The following SERINC5 variants were observed in gnomAD, a reference collection of about 807,000 sequenced individuals.
The protein encoded by SERINC5 is serine incorporator 5.
In SERINC5, 41 loss-of-function variants were observed where a neutral mutation model predicts 63.1. The observed-to-expected ratio is 0.65, with a 90% CI of 0.51 to 0.84. The LOEUF (loss-of-function observed/expected upper bound fraction) is 0.84. SERINC5 is among the 40% of genes least tolerant of loss of function. The probability of loss-of-function intolerance (pLI) is 0.00; values close to 1 mark genes in which losing one functional copy is unlikely to be tolerated. For missense variants in SERINC5, 523 were observed against 573.0 expected (o/e 0.91, Z 0.89); for synonymous variants, 222 against 215.2 (o/e 1.03, Z -0.28).
intron 2 of SERINC5, among the ~76,000 whole-genome samples, chr5:80,191,014 G>C (rs936255156): frequency 6.6e-6 from 1 of 151,822 alleles, no homozygotes; most frequent in Non-Finnish European, 1.5e-5. Flanking sequence ...TTTGACTCCT[G>C]CACTAGGCCC....
intron 1 of SERINC5, among the ~76,000 whole-genome samples, chr5:80,232,082 A>G (rs1262186243): frequency 6.9e-6 from 1 of 145,664 alleles, no homozygotes; most frequent in East Asian, 2.0e-4. Context: ...ACCCTGAGAA[A>G]CAGACCAAGA....
At position 80,191,618 on chromosome 5, in the gene SERINC5, G is replaced by A. The variant is rs1361103133; in HGVS notation, c.195+11268C>T. Among the ~76,000 whole-genome samples the A allele has an allele frequency of 2.7e-5, 4 of 146,226 alleles. No homozygotes were observed. The South Asian group carries it at 6.5e-4, about 24-fold the overall frequency. On this transcript the variant is annotated intron_variant, in intron 2 of 11. Coordinates refer to ENST00000507668, the MANE Select transcript of SERINC5 (RefSeq NM_001174072.3). ...GTTAAGCCTGCAGTGAGCCATGATCGTGCCACCACATTCCAGCCTGGGCAA... is the reference window on the plus strand; with the variant it reads ...GTTAAGCCTGCAGTGAGCCATGATCATGCCACCACATTCCAGCCTGGGCAA...
intron 1 of SERINC5, among the ~76,000 whole-genome samples, chr5:80,245,200 G>A (rs1394340405): frequency 6.6e-6 from 1 of 152,168 alleles, no homozygotes; most frequent in Admixed American, 6.5e-5. Flanking sequence ...TTTTTCCTGA[G>A]GTGAGATTTC....
intron 5 of SERINC5, among the ~76,000 whole-genome samples, chr5:80,172,414 G>A (rs376551186): frequency 1.2e-3 from 186 of 152,304 alleles, no homozygotes; most frequent in African/African-American, 3.4e-3. Flanking sequence ...ATGAATCATT[G>A]TCATCTGCCT....
At chr5:80,116,754 G>A (rs1189800110) in intron 11 of SERINC5, among the ~76,000 whole-genome samples, 1 of 151,874 alleles carries the variant, frequency 6.6e-6, no homozygotes, top group Non-Finnish European at 1.5e-5. Context: ...TACACTAGAC[G>A]ACTCAGGTTC....
Position 80,248,710 on chromosome 5 carries a change from T to C in SERINC5, c.27+7186A>G, listed in dbSNP as rs115228272. Among the ~76,000 whole-genome samples, 603 of 152,188 alleles carry C rather than the reference T, an allele frequency of 4.0e-3. 4 individuals carry two copies. The highest frequency in any genetic ancestry group is 0.014 in the African/African-American group (582 of 41,528). Reference sequence around the variant, plus strand: ...AGGAAAATAAAAGTGCCAGTGCTAGTGATAAGAAACACAGGCCTCAATGTT... The same window carrying C: ...AGGAAAATAAAAGTGCCAGTGCTAGCGATAAGAAACACAGGCCTCAATGTT... On this transcript the variant is annotated intron_variant, in intron 1 of 11. Coordinates refer to ENST00000507668, the MANE Select transcript of SERINC5 (RefSeq NM_001174072.3).
At chr5:80,129,507 T>C (rs566918910) in intron 11 of SERINC5, among the ~76,000 whole-genome samples, 2 of 152,248 alleles carry the variant, frequency 1.3e-5, no homozygotes, top group South Asian at 2.1e-4. Flanking sequence ...CAGGGTCTCA[T>C]TATGTTGCTC....
intron 1 of SERINC5, among the ~76,000 whole-genome samples, chr5:80,233,805 C>CTTTTTTTTTTTTT (rs373920343): frequency 4.3e-5 from 3 of 69,948 alleles, no homozygotes; most frequent in African/African-American, 6.4e-5. Flanking sequence ...TCAACTTTTA[C>CTTTTTTTTTTTTT]TTTTTTTTTT....
chr5:80,140,188 G>C lies in SERINC5; in HGVS notation c.*3475C>G, dbSNP rs1454740998. On this transcript the variant is annotated 3_prime_UTR_variant, in exon 12 of 12. Coordinates refer to ENST00000507668, the MANE Select transcript of SERINC5 (RefSeq NM_001174072.3). The stretch of plus-strand genomic sequence containing the variant: ...ATAAAAATCGGCCAGGTGTGATGGG[G>C]CAAACCTGTGGTCTCAGCTACTTGG... 2 of 730,388 alleles carry C rather than the reference G, an allele frequency of 2.7e-6. No homozygotes were observed. The highest frequency in any genetic ancestry group is 3.9e-5 in the African/African-American group (2 of 51,618). 45.2% of individuals were successfully genotyped at this position (730,388 alleles called of 1,614,324 possible). A position where few individuals can be genotyped will look rare whatever the true frequency, so the allele number is the denominator to read the frequency against.
At chr5:80,191,515 T>C (rs1216574155) in intron 2 of SERINC5, among the ~76,000 whole-genome samples, 1 of 138,342 alleles carries the variant, frequency 7.2e-6, no homozygotes, top group Non-Finnish European at 1.6e-5. Context: ...AAAAGAAAAA[T>C]TAGCCAGGCA....
At chr5:80,222,569 A>AGTGT (rs1014120974) in intron 1 of SERINC5, among the ~76,000 whole-genome samples, 3 of 132,074 alleles carry the variant, frequency 2.3e-5, no homozygotes, top group African/African-American at 5.3e-5. Flanking sequence ...TGAGTGTGTG[A>AGTGT]GTGTGTGTGT....
chr5:80,157,366 A>G (rs1746606844), intron 8 of SERINC5: 1 of 151,548 alleles, frequency 6.6e-6, no homozygotes, highest in Non-Finnish European at 1.5e-5. Flanking sequence ...AAATATCTTC[A>G]TGGTTGGTTT....
chr5:80,141,800 A>G lies in SERINC5; in HGVS notation c.*1863T>C. On this transcript the variant is annotated 3_prime_UTR_variant, in exon 12 of 12. Coordinates refer to ENST00000507668, the MANE Select transcript of SERINC5 (RefSeq NM_001174072.3). ...CTGAGTACAGAGCTCCTGCCCTAAA[A>G]AAGGAAATTTAATGGAATTTACAAA... 3 of 985,412 alleles carry G rather than the reference A, an allele frequency of 3.0e-6. No homozygotes were observed. Among genetic ancestry groups the G allele is most frequent in the African/African-American group, 1.7e-5 (1 of 57,352 alleles). 61.0% of individuals were successfully genotyped at this position (985,412 alleles called of 1,614,324 possible). A position where few individuals can be genotyped will look rare whatever the true frequency, so the allele number is the denominator to read the frequency against.
rs373373403 is a variant in SERINC5, at chr5:80,249,101, T to A, written c.27+6795A>T. Among the ~76,000 whole-genome samples the A allele has an allele frequency of 2.2e-4, 33 of 149,682 alleles. 1 individual carries two copies. In the East Asian group the frequency reaches 6.1e-3, roughly 28 times the overall value. On this transcript the variant is annotated intron_variant, in intron 1 of 11. Coordinates refer to ENST00000507668, the MANE Select transcript of SERINC5 (RefSeq NM_001174072.3). Reference sequence around the variant, plus strand: ...AGGCCAAGGCGGGTGGATCACGAGGTCAGGAGATCGAGACCATCCTGACTA... The same window carrying A: ...AGGCCAAGGCGGGTGGATCACGAGGACAGGAGATCGAGACCATCCTGACTA...
intron 1 of SERINC5, among the ~76,000 whole-genome samples, chr5:80,239,053 T>C (rs919825003): frequency 2.0e-5 from 3 of 152,196 alleles, no homozygotes; most frequent in Non-Finnish European, 4.4e-5. Context: ...CCTTGGAAGA[T>C]ACCCTGTGCT....
chr5:80,229,052 G>GGGGGGGGGGC lies in SERINC5; in HGVS notation c.28-26000_28-25999insGCCCCCCCCC, dbSNP rs1307981763. Reference sequence around the variant, plus strand: ...TTTTTTTTTTTTTTTTTTTTTTTTGGGGATGGAGTTGCCTAGGCTGGAGTG... The same window carrying GGGGGGGGGGC: ...TTTTTTTTTTTTTTTTTTTTTTTTGGGGGGGGGGGCGGATGGAGTTGCCTAGGCTGGAGTG... On this transcript the variant is annotated intron_variant, in intron 1 of 11. Transcript: ENST00000507668. Among the ~76,000 whole-genome samples the GGGGGGGGGGC allele has an allele frequency of 1.9e-4, 12 of 64,770 alleles. 2 individuals are homozygous for GGGGGGGGGGC. The South Asian group carries it at 2.9e-3, about 16-fold the overall frequency. 42.5% of individuals were successfully genotyped at this position (64,770 alleles called of 152,430 possible).
rs548188286 is a variant in SERINC5 at position 80,173,306 on chromosome 5, A to T, written c.551+1648T>A. On this transcript the variant is annotated intron_variant, in intron 5 of 11. Coordinates refer to ENST00000507668, the MANE Select transcript of SERINC5 (RefSeq NM_001174072.3). ...GAAAATGAAATGAAATGAAATGAAA[A>T]GAAAAGAAGCCGGGTGCAGTGGCTC... is the stretch of plus-strand genomic sequence containing the variant. Among the ~76,000 whole-genome samples the T allele has an allele frequency of 2.6e-4, 40 of 151,916 alleles. 2 individuals are homozygous for T. Among genetic ancestry groups the T allele is most frequent in the Admixed American group, 1.4e-3 (22 of 15,288 alleles).
At chr5:80,147,599 C>CT (rs145030424) in intron 9 of SERINC5, among the ~76,000 whole-genome samples, 2,919 of 152,278 alleles carry the variant, frequency 0.019, 97 homozygotes, top group African/African-American at 0.066. Flanking sequence ...AAGGCCGTGC[C>CT]TTTATGGCTC....
At chr5:80,211,824 C>G (rs1161668688) in intron 1 of SERINC5, among the ~76,000 whole-genome samples, 2 of 152,204 alleles carry the variant, frequency 1.3e-5, no homozygotes, top group African/African-American at 2.4e-5. Flanking sequence ...GCCCAGGCAG[C>G]ACATATGTTC....
Sources: allele counts gnomAD v4.1 joint callset (sites outside exome capture counted in the v4.1 genomes callset), GRCh38; gene constraint gnomAD v4.1.1; transcripts MANE v1.5; gene names NCBI Gene and HGNC (gene_info 2026-07-23, HGNC 2026-07-21).